Variants in FANCA observed in about 807,000 individuals in gnomAD.
The protein encoded by FANCA is FA complementation group A, also known as Fanconi anemia group A protein.
A neutral mutation model predicts 194.3 loss-of-function variants in FANCA; 236 were observed. The ratio of observed to expected loss-of-function variants is 1.21; its 90% CI spans 1.09 to 1.35. The LOEUF (loss-of-function observed/expected upper bound fraction) is 1.35. FANCA is among the 40% of genes most tolerant of loss of function. FANCA has a pLI of 0.00. For synonymous variants in FANCA, 1,014 were observed against 715.8 expected, an observed-to-expected ratio of 1.42 and a Z score of -6.65; for missense variants, 2,628 against 1,813.9, an observed-to-expected ratio of 1.45 and a Z score of -8.15.
rs916348755 is a variant in FANCA, at chr16:89,758,641, A to G, written c.2917T>C (p.Cys973Arg). The G allele has an allele frequency of 6.2e-7, 1 of 1,614,100 alleles. No homozygotes were observed. Among genetic ancestry groups the G allele is most frequent in the Non-Finnish European group, 8.5e-7 (1 of 1,179,958 alleles). ...CACGCAGCCTGCAGGTCTCCGTCAC[A>G]GCCCCCTGAAGCCGAGGACTCAGGG... Reference protein sequence around the residue: ...FLPESSASGGCDGDLQAACTI... With the variant: ...FLPESSASGGRDGDLQAACTI... Residue 973 changes from cysteine to arginine, a missense_variant, in exon 30 of 43, where the codon TGT becomes CGT. Cys to Arg is a radical substitution (Grantham distance 180). Transcript: ENST00000389301.
Position 89,738,060 on chromosome 16 carries a change from C to G in FANCA, c.*541G>C, listed in dbSNP as rs939094866. On this transcript the variant is annotated 3_prime_UTR_variant, in exon 43 of 43. Coordinates refer to ENST00000389301, the MANE Select transcript of FANCA (RefSeq NM_000135.4). The stretch of plus-strand genomic sequence containing the variant: ...AACACAAGGCTGAGACTGAGCTGGA[C>G]TTTGCCTGTGACCAGTGTGGCCGGC... The G allele has an allele frequency of 6.2e-7, 1 of 1,614,150 alleles. No individual in the cohort carries two copies.
chr16:89,798,421 T>C (rs1015794856), intron 10 of FANCA: 12 of 1,080,126 alleles, frequency 1.1e-5, no homozygotes, highest in Middle Eastern at 4.1e-4. Context: ...ACACATTTAA[T>C]TGAGCAGTTA....
At chr16:89,798,794 T>G (rs1432585818) in intron 10 of FANCA, 14 of 1,428,292 alleles carry the variant, frequency 9.8e-6, no homozygotes, top group Non-Finnish European at 1.2e-5. Context: ...GTTCTAGAAA[T>G]GTGGGGGGCT....
chr16:89,770,211 C>T lies in FANCA; in HGVS notation c.2271G>A (p.Val757=), dbSNP rs1369500863. The T allele has an allele frequency of 1.3e-6, 2 of 1,592,874 alleles. No homozygotes were observed. Among genetic ancestry groups the T allele is most frequent in the Admixed American group, 1.8e-5 (1 of 56,040 alleles). The change falls in exon 25 of 43, where the codon GTG becomes GTA. Residue 757 remains valine, a synonymous_variant. Transcript: ENST00000389301. ...AGAGCCGGGTGAGCACTGCAGGGAG[C>T]ACACGTCCACACATGGTCCTCACGA... ...ALFVRTMCGR[V]LPAVLTRLCQ... is the part of the protein sequence containing the mutation.
rs762176786 is a variant in FANCA, at chr16:89,738,124, A to G, written c.*477T>C. On this transcript the variant is annotated 3_prime_UTR_variant, in exon 43 of 43. Coordinates refer to ENST00000389301, the MANE Select transcript of FANCA (RefSeq NM_000135.4). The stretch of plus-strand genomic sequence containing the variant: ...CCACAACCTCAATGTACACATGTCC[A>G]TGGTGCACCCGCTGACACAGACCCA... 16 of 1,613,710 alleles carry G rather than the reference A, an allele frequency of 9.9e-6. No homozygotes were observed. The highest frequency in any genetic ancestry group is 5.1e-6 in the Non-Finnish European group (6 of 1,180,046).
At position 89,773,370 on chromosome 16, in the gene FANCA, C is replaced by T. The variant is rs1383827954; in HGVS notation, c.1915G>A (p.Val639Met). The T allele has an allele frequency of 1.3e-6, 2 of 1,550,692 alleles. No individual in the cohort carries two copies. The highest frequency in any genetic ancestry group is 1.4e-5 in the African/African-American group (1 of 73,030). The change falls in exon 22 of 43, where the codon GTG becomes ATG. Residue 639 changes from valine (V) to methionine (M), a missense_variant. Coordinates refer to ENST00000389301, the MANE Select transcript of FANCA (RefSeq NM_000135.4). Reference sequence around the variant, plus strand: ...TCAGCAGAGTTGGGTTCTGCCCTCACTCCCAGGGCTGCATCTGTGAGAAGA... The same window carrying T: ...TCAGCAGAGTTGGGTTCTGCCCTCATTCCCAGGGCTGCATCTGTGAGAAGA... ...EEKPEDAALG[V>M]RAEPNSAEEP... is the part of the protein sequence containing the mutation.
chr16:89,765,999 ATTT>A (rs541701073), intron 27 of FANCA, among the ~76,000 whole-genome samples: 1 of 144,072 alleles, frequency 6.9e-6, no homozygotes. Context: ...TTATTTATTT[ATTT>A]TTTTTTTTTT....
At chr16:89,743,256 T>C (rs1056420580) in intron 36 of FANCA, among the ~76,000 whole-genome samples, 7 of 152,212 alleles carry the variant, frequency 4.6e-5, no homozygotes, top group Non-Finnish European at 1.0e-4. Context: ...AGGCCTCATT[T>C]TCCTCAGTTG....
intron 3 of FANCA, among the ~76,000 whole-genome samples, chr16:89,811,371 C>T (rs2040872421): frequency 6.6e-6 from 1 of 152,218 alleles, no homozygotes; most frequent in Non-Finnish European, 1.5e-5. Context: ...AGAACTTTAT[C>T]ATCTTTTTAC....
intron 7 of FANCA, among the ~76,000 whole-genome samples, chr16:89,804,561 G>C (rs539838287): frequency 2.0e-5 from 3 of 151,410 alleles, no homozygotes; most frequent in East Asian, 1.9e-4. Context: ...ACTCTGGTCC[G>C]AGCCATCCTC....
At chr16:89,766,293 C>A (rs997817161) in intron 27 of FANCA, among the ~76,000 whole-genome samples, 1 of 152,058 alleles carries the variant, frequency 6.6e-6, no homozygotes, top group Non-Finnish European at 1.5e-5. Flanking sequence ...CCACGCCCAG[C>A]CTGAAAACCA....
chr16:89,808,612 T>G (rs903900784), intron 5 of FANCA, among the ~76,000 whole-genome samples: 10 of 152,048 alleles, frequency 6.6e-5, no homozygotes, highest in African/African-American at 2.4e-4. Flanking sequence ...TTCTCTTCCT[T>G]CTCTCTTCCT....
intron 35 of FANCA, among the ~76,000 whole-genome samples, 155 bp from the exon 36 acceptor site, chr16:89,745,226 A>T (rs56152375): frequency 2.6e-5 from 4 of 152,236 alleles, no homozygotes. Context: ...TTTTACGTCA[A>T]TTAAGGCTCA....
At chr16:89,788,713 C>T (rs568975524) in intron 14 of FANCA, among the ~76,000 whole-genome samples, 17 of 151,804 alleles carry the variant, frequency 1.1e-4, no homozygotes, top group Non-Finnish European at 2.1e-4. Context: ...GGCAGGAGGA[C>T]TGCTTGACCC....
rs928786391 is a variant in FANCA at position 89,782,855 on chromosome 16, T to C, written c.1626+4A>G. The C allele has an allele frequency of 2.5e-6, 4 of 1,613,506 alleles. No individual in the cohort carries two copies. Among genetic ancestry groups the C allele is most frequent in the Non-Finnish European group, 3.4e-6 (4 of 1,179,520 alleles). The stretch of plus-strand genomic sequence containing the variant: ...GAGACCCTGCAGGGCTCAAGCAACA[T>C]TACCTCAGTAATGTCCCCAGCTGAT... On this transcript the variant is annotated splice_donor_region_variant and intron_variant, in intron 17 of 42. Coordinates refer to ENST00000389301, the MANE Select transcript of FANCA (RefSeq NM_000135.4).
Position 89,764,888 on chromosome 16 carries a change from A to G in FANCA, c.2778+2T>C, listed in dbSNP as rs1458001028. The stretch of plus-strand genomic sequence containing the variant: ...GATGCAGGAGAAGGAACGGTCACCT[A>G]CGTGAACATCTTCCTCTTTCAACAC... On this transcript the variant is annotated splice_donor_variant, in intron 28 of 42. Coordinates refer to ENST00000389301, the MANE Select transcript of FANCA (RefSeq NM_000135.4). LOFTEE classifies it high-confidence loss of function. 1.9e-6 allele frequency: 3 copies of G among 1,613,920 alleles called. No individual in the cohort carries two copies. Among genetic ancestry groups the G allele is most frequent in the Non-Finnish European group, 2.5e-6 (3 of 1,179,868 alleles).
At chr16:89,811,565 G>C (rs962979410) in intron 3 of FANCA, among the ~76,000 whole-genome samples, 9 of 152,110 alleles carry the variant, frequency 5.9e-5, no homozygotes, top group African/African-American at 2.2e-4. Context: ...TGCTCAGTCC[G>C]CAGGCCACCA....
intron 38 of FANCA, 139 bp downstream of exon 38, chr16:89,740,665 G>C: frequency 4.4e-6 from 3 of 688,412 alleles, no homozygotes; most frequent in Non-Finnish European, 5.2e-6. Flanking sequence ...CCCACGGCCT[G>C]GGAGTTCTCA....
At chr16:89,815,434 C>G (rs1190214345) in intron 2 of FANCA, among the ~76,000 whole-genome samples, 2 of 141,874 alleles carry the variant, frequency 1.4e-5, no homozygotes, top group African/African-American at 2.6e-5. Context: ...ACTGCAATTT[C>G]TGCCTCCCGG....
Sources: gnomAD v4.1 joint callset for allele counts (sites outside exome capture counted in the v4.1 genomes callset) on GRCh38, gnomAD v4.1.1 for gene constraint, MANE v1.5 for transcripts, NCBI Gene and HGNC (gene_info 2026-07-23, HGNC 2026-07-21) for gene names.